SNTG2: variants seen among roughly 807,000 people sequenced by gnomAD.
SNTG2 encodes gamma-2-syntrophin.
Under a neutral mutation model 70.9 loss-of-function variants are expected in SNTG2, and 74 were observed. The ratio of observed to expected loss-of-function variants is 1.04; its 90% CI spans 0.86 to 1.27. The LOEUF (loss-of-function observed/expected upper bound fraction) is 1.27, where lower values mean the gene tolerates loss of function less well. SNTG2 is among the 50% of genes most tolerant of loss of function. The pLI is 0.00. For missense variants in SNTG2, 717 were observed against 690.7 expected (o/e 1.04, Z -0.43); for synonymous variants, 278 against 273.8 (o/e 1.02, Z -0.15).
chr2:1,360,053 A>G (rs1277376727), intron 16 of SNTG2, among the ~76,000 whole-genome samples: 2 of 71,346 alleles, frequency 2.8e-5, no homozygotes, highest in East Asian at 1.6e-3. Context: ...CATTTTTCCC[A>G]TAGGAAAAAA....
chr2:1,125,403 TCTTG>T (rs1367981064), intron 4 of SNTG2, among the ~76,000 whole-genome samples: 1 of 152,174 alleles, frequency 6.6e-6, no homozygotes, highest in African/African-American at 2.4e-5. Flanking sequence ...CCTGTCCTCC[TCTTG>T]CTTCTTCCCT....
chr2:1,353,960 C>T lies in SNTG2; in HGVS notation c.1489-13383C>T, dbSNP rs1359257462. 1 of 152,156 alleles carries T rather than the reference C, an allele frequency of 6.6e-6. No individual in the cohort carries two copies. The highest frequency in any genetic ancestry group is 6.5e-5 in the Admixed American group (1 of 15,282). 9.4% of individuals were successfully genotyped at this position (152,156 alleles called of 1,614,324 possible). ...GAGTGGGAAAGAAAAAACGTTTTCTCCGGTGATGGGTGACCTCACCGTTCA... is the reference window on the plus strand; with the variant it reads ...GAGTGGGAAAGAAAAAACGTTTTCTTCGGTGATGGGTGACCTCACCGTTCA... On this transcript the variant is annotated intron_variant, in intron 16 of 16. Coordinates refer to ENST00000308624, the MANE Select transcript of SNTG2 (RefSeq NM_018968.4). The surrounding 1 kb of genome is among the most constrained non-coding windows in gnomAD (Gnocchi z 4.2).
At chr2:1,227,961 C>G (rs1675906660) in intron 9 of SNTG2, among the ~76,000 whole-genome samples, 2 of 152,110 alleles carry the variant, frequency 1.3e-5, no homozygotes, top group South Asian at 2.1e-4. Context: ...AGCCTCCCGC[C>G]TCGTGCAGGG....
At chr2:1,094,971 T>C (rs1213796806) in intron 2 of SNTG2, among the ~76,000 whole-genome samples, 1 of 144,164 alleles carries the variant, frequency 6.9e-6, no homozygotes, top group Non-Finnish European at 1.5e-5. Flanking sequence ...CCTCATATGG[T>C]AGAGTTACTG....
rs1235028251 is a variant in SNTG2 at position 1,289,028 on chromosome 2, C to T, written c.1285-19466C>T. ...TGCTCCTTAATTAGCCTCTATTCCA[C>T]GATCATCTTGATCATTTTCTGATTT... On this transcript the variant is annotated intron_variant, in intron 14 of 16. Transcript: ENST00000308624. Among the ~76,000 whole-genome samples the T allele has an allele frequency of 4.6e-5, 7 of 152,082 alleles. No individual in the cohort carries two copies. The East Asian group carries it at 9.8e-4, about 21-fold the overall frequency.
At chr2:972,373 A>G (rs1041630591) in intron 1 of SNTG2, among the ~76,000 whole-genome samples, 3 of 152,146 alleles carry the variant, frequency 2.0e-5, no homozygotes, top group Non-Finnish European at 2.9e-5. Flanking sequence ...ACCCTTTACC[A>G]TTGTATGAGG....
intron 8 of SNTG2, among the ~76,000 whole-genome samples, chr2:1,191,166 T>C (rs940697411): frequency 6.6e-6 from 1 of 152,198 alleles, no homozygotes; most frequent in Non-Finnish European, 1.5e-5. Context: ...CCCATGACTT[T>C]TACATTTGTA....
intron 2 of SNTG2, among the ~76,000 whole-genome samples, chr2:1,090,424 T>C (rs1420883696): frequency 6.6e-6 from 1 of 152,226 alleles, no homozygotes; most frequent in Non-Finnish European, 1.5e-5. Context: ...TGCAGCAAAC[T>C]TGATTCTTGC....
At chr2:1,166,271 A>G (rs1670699013) in intron 7 of SNTG2, among the ~76,000 whole-genome samples, 1 of 152,162 alleles carries the variant, frequency 6.6e-6, no homozygotes, top group South Asian at 2.1e-4. Context: ...AAGGCCTCGA[A>G]GGCAAGGCCC....
intron 14 of SNTG2, among the ~76,000 whole-genome samples, chr2:1,294,888 C>G (rs551912465): frequency 6.6e-6 from 1 of 152,196 alleles, no homozygotes; most frequent in African/African-American, 2.4e-5. Context: ...TAAAACCACT[C>G]GCTAACATAA....
chr2:1,066,437 C>T (rs1042722912), intron 1 of SNTG2, among the ~76,000 whole-genome samples: 2 of 151,226 alleles, frequency 1.3e-5, no homozygotes, highest in African/African-American at 4.9e-5. Context: ...GTTCTCGGTG[C>T]GTCTCATCGA....
chr2:1,245,129 G>A (rs1392014877), intron 11 of SNTG2, among the ~76,000 whole-genome samples: 1 of 120,374 alleles, frequency 8.3e-6, no homozygotes. Context: ...TGTCGGGTGG[G>A]GGGAGGGGGG....
chr2:1,162,880 G>A (rs1290003505), intron 6 of SNTG2, among the ~76,000 whole-genome samples: 1 of 152,206 alleles, frequency 6.6e-6, no homozygotes, highest in Non-Finnish European at 1.5e-5. Flanking sequence ...ACTTTGTACT[G>A]CAGCAGCCTG....
At chr2:960,599 C>G (rs1422558734) in intron 1 of SNTG2, among the ~76,000 whole-genome samples, 1 of 149,788 alleles carries the variant, frequency 6.7e-6, no homozygotes, top group South Asian at 2.1e-4. Context: ...ACTGCCTGCT[C>G]ATGGGAGCAC....
At chr2:968,303 T>C (rs535256809) in intron 1 of SNTG2, among the ~76,000 whole-genome samples, 2 of 142,806 alleles carry the variant, frequency 1.4e-5, no homozygotes, top group South Asian at 4.2e-4. Flanking sequence ...GTTTAAAGTC[T>C]ATAGGTTCTG....
At chr2:994,590 G>T (rs1192436993) in intron 1 of SNTG2, among the ~76,000 whole-genome samples, 1 of 152,010 alleles carries the variant, frequency 6.6e-6, no homozygotes, top group Non-Finnish European at 1.5e-5. Context: ...GATTTTGATA[G>T]ACATTGTATT....
At chr2:983,336 G>A (rs1401142277) in intron 1 of SNTG2, among the ~76,000 whole-genome samples, 1 of 150,436 alleles carries the variant, frequency 6.6e-6, no homozygotes, top group Non-Finnish European at 1.5e-5. Context: ...CTGCAGAGGT[G>A]GAAGTCGGGA....
intron 14 of SNTG2, among the ~76,000 whole-genome samples, chr2:1,277,835 A>G (rs1679331074): frequency 6.6e-6 from 1 of 152,216 alleles, no homozygotes; most frequent in Non-Finnish European, 1.5e-5. Context: ...CTCAGAGGGC[A>G]GCAGGGGCAC....
At chr2:1,090,783 G>A (rs1328347917) in intron 2 of SNTG2, among the ~76,000 whole-genome samples, 3 of 152,148 alleles carry the variant, frequency 2.0e-5, no homozygotes, top group South Asian at 2.1e-4. Flanking sequence ...CACTTGAGGC[G>A]TTTTTCCCTC....
Sources: allele counts gnomAD v4.1 joint callset (sites outside exome capture counted in the v4.1 genomes callset), GRCh38; gene constraint gnomAD v4.1.1; non-coding constraint Gnocchi (gnomAD v3.1); transcripts MANE v1.5; gene names NCBI Gene and HGNC (gene_info 2026-07-23, HGNC 2026-07-21).